The following ARSB variants were observed in gnomAD, a reference collection of about 807,000 sequenced individuals.
The protein encoded by ARSB is arylsulfatase B.
A neutral mutation model predicts 50.9 loss-of-function variants in ARSB; 41 were observed. The ratio of observed to expected loss-of-function variants is 0.81; its 90% CI spans 0.63 to 1.04. The LOEUF (loss-of-function observed/expected upper bound fraction) is 1.04, where lower values mean the gene tolerates loss of function less well. ARSB is among the 50% of genes least tolerant of loss of function. ARSB has a pLI of 0.00. For synonymous variants in ARSB, 269 were observed against 284.8 expected (o/e 0.94, Z 0.56); for missense variants, 672 against 693.3 (o/e 0.97, Z 0.35).
intron 4 of ARSB, among the ~76,000 whole-genome samples, chr5:78,893,755 T>C (rs575434963): frequency 6.6e-6 from 1 of 152,306 alleles, no homozygotes; most frequent in Non-Finnish European, 1.5e-5. Flanking sequence ...TTAGGAGGTA[T>C]GGGTAATGCA....
chr5:78,951,338 A>G (rs982245512), intron 4 of ARSB, among the ~76,000 whole-genome samples: 8 of 152,166 alleles, frequency 5.3e-5, no homozygotes, highest in Non-Finnish European at 1.2e-4. Context: ...ATACTATACT[A>G]TACTAACAAG....
intron 4 of ARSB, among the ~76,000 whole-genome samples, chr5:78,893,862 T>C (rs985297243): frequency 2.0e-5 from 3 of 152,250 alleles, no homozygotes; most frequent in Non-Finnish European, 4.4e-5. Flanking sequence ...ATTTGGTCTG[T>C]CCTTTTTAAC....
rs192070709 is a variant in ARSB, at chr5:78,859,519, G to A, written c.1143-20093C>T. ...AAGAATTACAAAAAGATGAAAACTG[G>A]CAACAGCGTTGGAAACTAAAGAGAA... is the stretch of plus-strand genomic sequence containing the variant. On this transcript the variant is annotated intron_variant, in intron 5 of 7. Coordinates refer to ENST00000264914, the MANE Select transcript of ARSB (RefSeq NM_000046.5). Among the ~76,000 whole-genome samples, 18 of 152,150 alleles carry A rather than the reference G, an allele frequency of 1.2e-4. No individual in the cohort carries two copies. The East Asian group carries it at 1.5e-3, about 13-fold the overall frequency.
At position 78,815,918 on chromosome 5, in the gene ARSB, T is replaced by G. The variant is rs1295793031; in HGVS notation, c.1213+23438A>C. On this transcript the variant is annotated intron_variant, in intron 6 of 7. Coordinates refer to ENST00000264914, the MANE Select transcript of ARSB (RefSeq NM_000046.5). ...AGTAAGACAGCCTCCTGGGGCCCCT[T>G]CTTTCTTGGAGAAGGCACTTTTCCT... is the stretch of plus-strand genomic sequence containing the variant. 4.0e-6 allele frequency: 6 copies of G among 1,498,752 alleles called. No homozygotes were observed. The Admixed American group carries it at 1.3e-4, about 33-fold the overall frequency. The allele number at this position is 1,498,752 out of a possible 1,614,324, so 92.8% of individuals were successfully genotyped here.
intron 4 of ARSB, among the ~76,000 whole-genome samples, chr5:78,949,803 G>A (rs1208197290): frequency 1.3e-5 from 2 of 152,118 alleles, no homozygotes; most frequent in Non-Finnish European, 2.9e-5. Flanking sequence ...CCAGCTATTT[G>A]GGAGGCTGAG....
chr5:78,836,164 C>T (rs1228790986), intron 6 of ARSB, among the ~76,000 whole-genome samples: 1 of 152,168 alleles, frequency 6.6e-6, no homozygotes, highest in Non-Finnish European at 1.5e-5. Context: ...CACCCAAAGA[C>T]AGCTCTTCTT....
intron 6 of ARSB, 46 bp downstream of exon 6, chr5:78,839,310 G>T (rs758485859): frequency 6.4e-7 from 1 of 1,561,518 alleles, no homozygotes; most frequent in Non-Finnish European, 8.8e-7. Context: ...AAACCATCTT[G>T]GTGGGCCAAT....
At chr5:78,933,485 CA>C (rs978659948) in intron 4 of ARSB, among the ~76,000 whole-genome samples, 5 of 152,242 alleles carry the variant, frequency 3.3e-5, no homozygotes, top group South Asian at 2.1e-4. Context: ...TTCCCAGGCC[CA>C]CAACAATTAC....
At chr5:78,834,859 A>G (rs995665597) in intron 6 of ARSB, among the ~76,000 whole-genome samples, 1 of 151,874 alleles carries the variant, frequency 6.6e-6, no homozygotes, top group African/African-American at 2.4e-5. Context: ...GTAATCACAC[A>G]ATGTTATTGT....
intron 6 of ARSB, among the ~76,000 whole-genome samples, chr5:78,832,073 C>T (rs540029514): frequency 2.6e-5 from 4 of 151,670 alleles, no homozygotes; most frequent in South Asian, 4.2e-4. Context: ...CTTATAGCTC[C>T]GGATGGGGAA....
At chr5:78,815,911 G>C in intron 6 of ARSB, 1 of 1,481,640 alleles carries the variant, frequency 6.7e-7, no homozygotes, top group Non-Finnish European at 8.9e-7. Flanking sequence ...AGCCTCCTGG[G>C]GCCCCTTCTT....
At chr5:78,822,883 G>A (rs1744293063) in intron 6 of ARSB, among the ~76,000 whole-genome samples, 1 of 152,218 alleles carries the variant, frequency 6.6e-6, no homozygotes. Context: ...TGATCCGCCC[G>A]CCTCGGCCTC....
At chr5:78,887,678 C>T (rs56359335) in intron 4 of ARSB, among the ~76,000 whole-genome samples, 5,530 of 152,238 alleles carry the variant, frequency 0.036, 335 homozygotes, top group African/African-American at 0.12. Context: ...CATTTTGTCA[C>T]GTTTTTTAAA....
At chr5:78,823,968 TG>T (rs1428060226) in intron 6 of ARSB, among the ~76,000 whole-genome samples, 1 of 152,190 alleles carries the variant, frequency 6.6e-6, no homozygotes, top group African/African-American at 2.4e-5. Flanking sequence ...GGGGGCACAG[TG>T]GGGAGTGTTT....
At chr5:78,854,070 C>T (rs968234774) in intron 5 of ARSB, among the ~76,000 whole-genome samples, 1 of 152,234 alleles carries the variant, frequency 6.6e-6, no homozygotes, top group Non-Finnish European at 1.5e-5. Context: ...CACCCACTGT[C>T]CTGTGCCCAC....
intron 2 of ARSB, among the ~76,000 whole-genome samples, chr5:78,966,049 G>T (rs772387393): frequency 2.6e-4 from 39 of 152,224 alleles, no homozygotes; most frequent in Non-Finnish European, 5.3e-4. Context: ...TCTATTTAAG[G>T]TTTTTAATAA....
At chr5:78,966,238 T>G (rs771505898) in intron 2 of ARSB, among the ~76,000 whole-genome samples, 7 of 152,228 alleles carry the variant, frequency 4.6e-5, no homozygotes, top group Non-Finnish European at 1.0e-4. Flanking sequence ...ATTCACATAC[T>G]TGGCAAAACT....
chr5:78,823,110 G>A (rs1369654812), intron 6 of ARSB, among the ~76,000 whole-genome samples: 1 of 152,220 alleles, frequency 6.6e-6, no homozygotes, highest in Non-Finnish European at 1.5e-5. Flanking sequence ...TTGTCCCTAT[G>A]AATGTGATGA....
At position 78,905,907 on chromosome 5, in the gene ARSB, TAGCAAAAAA is replaced by T. The variant is rs1157228869; in HGVS notation, c.899-20089_899-20081del. ...ACTGAGGTTGCCTTTGGGAGCAAAGTAGCAAAAAAAAAAAAAAAAAAAAAAAAAAAGAGG... is the reference window on the plus strand; with the variant it reads ...ACTGAGGTTGCCTTTGGGAGCAAAGTAAAAAAAAAAAAAAAAAAAAAGAGG... On this transcript the variant is annotated intron_variant, in intron 4 of 7. Coordinates refer to ENST00000264914, the MANE Select transcript of ARSB (RefSeq NM_000046.5). Among the ~76,000 whole-genome samples the T allele has an allele frequency of 3.1e-4, 11 of 35,638 alleles. No homozygotes were observed. The South Asian group carries it at 3.6e-3, about 12-fold the overall frequency. 23.4% of individuals were successfully genotyped at this position (35,638 alleles called of 152,430 possible). A position where few individuals can be genotyped will look rare whatever the true frequency, so the allele number is the denominator to read the frequency against.
Sources: gnomAD v4.1 joint callset for allele counts (sites outside exome capture counted in the v4.1 genomes callset) on GRCh38, gnomAD v4.1.1 for gene constraint, MANE v1.5 for transcripts, NCBI Gene and HGNC (gene_info 2026-07-23, HGNC 2026-07-21) for gene names.